PADI4: variants seen among roughly 807,000 people sequenced by gnomAD.
The protein encoded by PADI4 is protein-arginine deiminase type-4.
In PADI4, 62 loss-of-function variants were observed where a neutral mutation model predicts 75.0. The ratio of observed to expected loss-of-function variants is 0.83; its 90% confidence interval spans 0.67 to 1.02. PADI4 has a LOEUF of 1.02. Ranked by LOEUF, PADI4 falls within the 50% of genes least tolerant of loss-of-function variation. The pLI is 0.00. For missense variants in PADI4, 845 were observed against 850.5 expected (o/e 0.99, Z 0.08); for synonymous variants, 361 against 348.1 (o/e 1.04, Z -0.41).
At chr1:17,352,792 G>A (rs1422574997) in intron 10 of PADI4, among the ~76,000 whole-genome samples, 1 of 152,212 alleles carries the variant, frequency 6.6e-6, no homozygotes, top group East Asian at 1.9e-4. Flanking sequence ...ACATCCAAAT[G>A]GGAAGTCAAG....
chr1:17,309,039 G>T (rs1403308980), intron 1 of PADI4, among the ~76,000 whole-genome samples: 1 of 152,034 alleles, frequency 6.6e-6, no homozygotes, highest in Non-Finnish European at 1.5e-5. Flanking sequence ...GGTTAAACAA[G>T]AGAGTTGAGG....
At chr1:17,310,894 C>T (rs868318560) in intron 1 of PADI4, among the ~76,000 whole-genome samples, 1 of 152,024 alleles carries the variant, frequency 6.6e-6, no homozygotes, top group South Asian at 2.1e-4. Context: ...GTCAGGAGAT[C>T]GAGACCATCC....
At chr1:17,343,844 C>T (rs1301541405) in intron 8 of PADI4, among the ~76,000 whole-genome samples, 1 of 152,170 alleles carries the variant, frequency 6.6e-6, no homozygotes, top group Non-Finnish European at 1.5e-5. Flanking sequence ...TCTTTTCCTT[C>T]CTAGTCTCAG....
At chr1:17,339,931 C>T in intron 6 of PADI4, 118 bp downstream of exon 6, 30 of 1,120,826 alleles carry the variant, frequency 2.7e-5, no homozygotes, top group Middle Eastern at 4.2e-4. Flanking sequence ...CTAAGAACAG[C>T]AGACGCAGCA....
At chr1:17,325,419 T>C (rs1183518933) in intron 1 of PADI4, among the ~76,000 whole-genome samples, 2 of 152,130 alleles carry the variant, frequency 1.3e-5, no homozygotes, top group African/African-American at 4.8e-5. Context: ...AAAAGAAAAA[T>C]ATTTGTTTCC....
At chr1:17,343,424 A>AG (rs1489267003) in intron 8 of PADI4, among the ~76,000 whole-genome samples, 1 of 152,018 alleles carries the variant, frequency 6.6e-6, no homozygotes, top group Non-Finnish European at 1.5e-5. Flanking sequence ...GGGGCAGAAG[A>AG]GTAAGAGGGT....
rs900480147 is a variant in PADI4, at chr1:17,356,595, T to G, written c.1558+136T>G. 1.6e-6 allele frequency: 1 copy of G among 619,170 alleles called. No homozygotes were observed. The highest frequency in any genetic ancestry group is 2.9e-6 in the Non-Finnish European group (1 of 339,640). 38.4% of individuals were successfully genotyped at this position (619,170 alleles called of 1,614,324 possible). A position where few individuals can be genotyped will look rare whatever the true frequency, so the allele number is the denominator to read the frequency against. On this transcript the variant is annotated intron_variant, in intron 13 of 15. Coordinates refer to ENST00000375448, the MANE Select transcript of PADI4 (RefSeq NM_012387.3). This position sits in a 1 kb window ranked among gnomAD's most constrained non-coding sequence, Gnocchi z 4.1. ...GTGCGCCAGGCACTGTGCCAAGTGC[T>G]AGGGAGACTGCATGAACAGGGCAGA...
At position 17,347,941 on chromosome 1, in the gene PADI4, G is replaced by T; in HGVS notation, c.1048G>T (p.Asp350Tyr). The T allele has an allele frequency of 6.4e-7, 1 of 1,567,920 alleles. No homozygotes were observed. Among genetic ancestry groups the T allele is most frequent in the Non-Finnish European group, 8.7e-7 (1 of 1,150,796 alleles). The stretch of plus-strand genomic sequence containing the variant: ...GCCTCCTCTCCACTCACTCCCACAG[G>T]ATGAAATGGAGATCGGCTACATCCA... ...EENMDDQWMQ[D>Y]EMEIGYIQAP... Residue 350 changes from aspartate (D) to tyrosine (Y), a missense_variant and splice_region_variant, in exon 10 of 16, where the codon GAT (aspartate) becomes TAT (tyrosine). Asp to Tyr is a radical substitution (Grantham distance 160). Transcript: ENST00000375448.
At chr1:17,330,616 C>T (rs2074193157) in intron 1 of PADI4, among the ~76,000 whole-genome samples, 1 of 152,148 alleles carries the variant, frequency 6.6e-6, no homozygotes, top group South Asian at 2.1e-4. Flanking sequence ...TGTCTAAGGG[C>T]AGGAGGAGCG....
Position 17,356,303 on chromosome 1 carries a change from G to A in PADI4, c.1456-54G>A, listed in dbSNP as rs565590241. 1.3e-5 allele frequency: 18 copies of A among 1,387,462 alleles called. No individual in the cohort carries two copies. Among genetic ancestry groups the A allele is most frequent in the African/African-American group, 4.3e-5 (3 of 69,864 alleles). The allele number at this position is 1,387,462 out of a possible 1,614,324, so 85.9% of individuals were successfully genotyped here. On this transcript the variant is annotated intron_variant, in intron 12 of 15. Transcript: ENST00000375448. The surrounding 1 kb of genome is among the most constrained non-coding windows in gnomAD (Gnocchi z 4.1). ...TCCCACCCTCAGCAGATCCACCCTC[G>A]TTGGGAGCTCCAGGGGCAAAGCTGA... is the stretch of plus-strand genomic sequence containing the variant.
In PADI4 at chr1:17,354,633, G is replaced by A. The variant is rs771208804; in HGVS notation, c.1256G>A (p.Arg419Lys). Residue 419 changes from arginine (R) to lysine (K), a missense_variant, in exon 11 of 16, where the codon AGG becomes AAG. By Grantham distance (26) the Arg-to-Lys change is conservative. Coordinates refer to ENST00000375448, the MANE Select transcript of PADI4 (RefSeq NM_012387.3). The part of the protein sequence containing the change: ...NLEVSPPVTV[R>K]GKEYPLGRIL... ...GAAGTGAGCCCCCCAGTCACAGTCA[G>A]GGGCAAGGAATACCCGCTGGGCAGG... The A allele has an allele frequency of 1.4e-5, 22 of 1,613,954 alleles. No homozygotes were observed. The highest frequency in any genetic ancestry group is 1.9e-5 in the Non-Finnish European group (22 of 1,179,974).
chr1:17,325,741 C>T (rs979613267), intron 1 of PADI4, among the ~76,000 whole-genome samples: 1 of 150,630 alleles, frequency 6.6e-6, no homozygotes, highest in Non-Finnish European at 1.5e-5. Flanking sequence ...CAGAGTCTCA[C>T]TCTGTTACCC....
chr1:17,322,142 C>T (rs1454093959), intron 1 of PADI4, among the ~76,000 whole-genome samples: 3 of 152,116 alleles, frequency 2.0e-5, no homozygotes, highest in African/African-American at 4.8e-5. Flanking sequence ...GAGTTCTGTC[C>T]TTTGTCCTGT....
Position 17,308,326 on chromosome 1 carries a change from G to C in PADI4, c.92+12G>C. On this transcript the variant is annotated intron_variant, in intron 1 of 15. Transcript: ENST00000375448. ...CTTGACATCTGCAGGTAAGAGGGGGGCCTTCTGGGGTTTTGGAGGCAGGTC... is the reference window on the plus strand; with the variant it reads ...CTTGACATCTGCAGGTAAGAGGGGGCCCTTCTGGGGTTTTGGAGGCAGGTC... 5 of 1,607,836 alleles carry C rather than the reference G, an allele frequency of 3.1e-6. No individual in the cohort carries two copies. Among genetic ancestry groups the C allele is most frequent in the Non-Finnish European group, 4.3e-6 (5 of 1,174,568 alleles).
intron 13 of PADI4, among the ~76,000 whole-genome samples, chr1:17,357,838 G>A (rs2074785703): frequency 6.6e-6 from 1 of 151,856 alleles, no homozygotes; most frequent in Non-Finnish European, 1.5e-5. Flanking sequence ...GGCTGAGGCA[G>A]GAGAATCACT....
At position 17,346,190 on chromosome 1, in the gene PADI4, C is replaced by T; in HGVS notation, c.1047+51C>T. 8.1e-7 allele frequency: 1 copy of T among 1,229,620 alleles called. No individual in the cohort carries two copies. Among genetic ancestry groups the T allele is most frequent in the East Asian group, 2.3e-5 (1 of 42,726 alleles). 76.2% of individuals were successfully genotyped at this position (1,229,620 alleles called of 1,614,324 possible). On this transcript the variant is annotated intron_variant, in intron 9 of 15. Coordinates refer to ENST00000375448, the MANE Select transcript of PADI4 (RefSeq NM_012387.3). The surrounding 1 kb of genome is among the most constrained non-coding windows in gnomAD (Gnocchi z 4.3). ...GTGACTGTCCCTGAGGGCCAAGAGACACTTGGGGGACCCGGGCTCCTGGGG... is the reference window on the plus strand; with the variant it reads ...GTGACTGTCCCTGAGGGCCAAGAGATACTTGGGGGACCCGGGCTCCTGGGG...
In PADI4 at chr1:17,331,144, C is replaced by T; in HGVS notation, c.268C>T (p.Gln90Ter). The T allele has an allele frequency of 6.2e-7, 1 of 1,609,400 alleles. No individual in the cohort carries two copies. Among genetic ancestry groups the T allele is most frequent in the African/African-American group, 1.3e-5 (1 of 74,788 alleles). ...MKVASGSTGDQKVQISYYGPK... is the reference protein window; with the variant it reads ...MKVASGSTGD ...AGTGGCCAGTGGTAGCACAGGCGACCAGAAGGTGAGTGTCATAGCTGTGGG... is the reference window on the plus strand; with the variant it reads ...AGTGGCCAGTGGTAGCACAGGCGACTAGAAGGTGAGTGTCATAGCTGTGGG... Residue 90 changes from glutamine (Q) to a stop codon, truncating the protein, a stop_gained, in exon 2 of 16, where the codon CAG becomes TAG. Transcript: ENST00000375448. LOFTEE classifies it high-confidence loss of function.
chr1:17,363,906 G>A lies in PADI4; in HGVS notation c.*151G>A. 2 of 599,440 alleles carry A rather than the reference G, an allele frequency of 3.3e-6. No homozygotes were observed. The highest frequency in any genetic ancestry group is 2.0e-5 in the South Asian group (1 of 50,356). 37.1% of individuals were successfully genotyped at this position (599,440 alleles called of 1,614,324 possible). ...TGCTTTCTTCTCCTGTGATGTCCCA[G>A]TTTCCCACTCTGAAGATCCCAACAT... On this transcript the variant is annotated 3_prime_UTR_variant, in exon 16 of 16. Transcript: ENST00000375448.
chr1:17,332,467 C>T (rs2100707297), intron 2 of PADI4, among the ~76,000 whole-genome samples: 1 of 152,234 alleles, frequency 6.6e-6, no homozygotes, highest in East Asian at 1.9e-4. Flanking sequence ...TCAGGCTGGT[C>T]TCAAACTCCT....
Sources: gnomAD v4.1 joint callset for allele counts (sites outside exome capture counted in the v4.1 genomes callset) on GRCh38, gnomAD v4.1.1 for gene constraint, Gnocchi (gnomAD v3.1) non-coding constraint, MANE v1.5 for transcripts, NCBI Gene and HGNC (gene_info 2026-07-23, HGNC 2026-07-21) for gene names.